The following CADM2 variants were observed in gnomAD, a reference collection of about 807,000 sequenced individuals.
CADM2 encodes the protein cell adhesion molecule 2, also known as immunoglobulin superfamily member 4D.
Under a neutral mutation model 49.8 loss-of-function variants are expected in CADM2, and 12 were observed. The ratio of observed to expected loss-of-function variants is 0.24; its 90% confidence interval spans 0.15 to 0.39. CADM2 has a LOEUF of 0.39. Ranked by LOEUF, CADM2 falls within the 10% of genes least tolerant of loss-of-function variation. CADM2 has a pLI of 1.00. For synonymous variants in CADM2, 214 were observed against 175.4 expected, an observed-to-expected ratio of 1.22 and a Z score of -1.74; for missense variants, 378 against 492.3, an observed-to-expected ratio of 0.77 and a Z score of 2.20.
At chr3:85,555,225 T>C (rs1227642680) in intron 1 of CADM2, among the ~76,000 whole-genome samples, 2 of 152,314 alleles carry the variant, frequency 1.3e-5, no homozygotes, top group Middle Eastern at 3.4e-3. Context: ...ACACTATACT[T>C]AGCATGTGTT....
At position 85,544,835 on chromosome 3, in the gene CADM2, AG is replaced by A. The variant is rs2107072010; in HGVS notation, c.62-181686del. Among the ~76,000 whole-genome samples the A allele has an allele frequency of 7.1e-5, 3 of 42,288 alleles. No homozygotes were observed. The East Asian group carries it at 0.024, about 341-fold the overall frequency. 27.7% of individuals were successfully genotyped at this position (42,288 alleles called of 152,430 possible). A position where few individuals can be genotyped will look rare whatever the true frequency, so the allele number is the denominator to read the frequency against. On this transcript the variant is annotated intron_variant, in intron 1 of 9. Coordinates refer to ENST00000383699, the MANE Select transcript of CADM2 (RefSeq NM_001167675.2). ...CTACATGTGTTCAAAAAAAAAGAAAAGAAAAGGAGAAAAAGGGAGGATAGGA... is the reference window on the plus strand; with the variant it reads ...CTACATGTGTTCAAAAAAAAAGAAAAAAAAGGAGAAAAAGGGAGGATAGGA...
chr3:85,619,004 C>A (rs1454314844), intron 1 of CADM2, among the ~76,000 whole-genome samples: 1 of 151,474 alleles, frequency 6.6e-6, no homozygotes, highest in Non-Finnish European at 1.5e-5. Flanking sequence ...TCGGCCACTG[C>A]ACTCCAGCCT....
At chr3:85,967,892 C>T (rs1365492388) in intron 8 of CADM2, among the ~76,000 whole-genome samples, 1 of 151,464 alleles carries the variant, frequency 6.6e-6, no homozygotes, top group Non-Finnish European at 1.5e-5. Flanking sequence ...GCCTAGCAAA[C>T]ATTAAAAAGG....
At chr3:86,028,322 T>C (rs1734157413) in intron 8 of CADM2, among the ~76,000 whole-genome samples, 1 of 151,948 alleles carries the variant, frequency 6.6e-6, no homozygotes, top group Non-Finnish European at 1.5e-5. Context: ...TTAACAAATA[T>C]TTGGGTTTCC....
intron 2 of CADM2, among the ~76,000 whole-genome samples, chr3:85,762,361 T>G (rs1361462794): frequency 2.6e-5 from 4 of 152,146 alleles, no homozygotes; most frequent in African/African-American, 4.8e-5. Context: ...TTTGTTTGTT[T>G]TACTACTCAA....
intron 1 of CADM2, among the ~76,000 whole-genome samples, chr3:85,693,812 C>T (rs1443444673): frequency 6.9e-6 from 1 of 145,846 alleles, no homozygotes; most frequent in Non-Finnish European, 1.5e-5. Context: ...AGGGGAATCA[C>T]TTGAACCCGG....
intron 1 of CADM2, among the ~76,000 whole-genome samples, chr3:85,097,284 A>G (rs1015710128): frequency 9.2e-5 from 14 of 152,264 alleles, no homozygotes; most frequent in Non-Finnish European, 1.3e-4. Context: ...TTTGCTGAGA[A>G]TGATGGTTTC....
chr3:85,678,131 A>G (rs939569109), intron 1 of CADM2, among the ~76,000 whole-genome samples: 16 of 152,220 alleles, frequency 1.1e-4, no homozygotes, highest in African/African-American at 3.6e-4. Context: ...CAGGTGGCTG[A>G]GAGATCCATG....
At chr3:85,356,605 G>T (rs2031881847) in intron 1 of CADM2, among the ~76,000 whole-genome samples, 1 of 152,064 alleles carries the variant, frequency 6.6e-6, no homozygotes. Flanking sequence ...TCGAGTTATG[G>T]GAAAGAGAAA....
chr3:86,009,657 G>T (rs914332922), intron 8 of CADM2, among the ~76,000 whole-genome samples: 1 of 151,692 alleles, frequency 6.6e-6, no homozygotes, highest in Non-Finnish European at 1.5e-5. Context: ...AAACATAAAA[G>T]CTTCTTTCTC....
intron 1 of CADM2, among the ~76,000 whole-genome samples, chr3:85,159,113 C>A (rs922875439): frequency 1.3e-5 from 2 of 152,090 alleles, no homozygotes; most frequent in Non-Finnish European, 2.9e-5. Flanking sequence ...TTTACTTAAT[C>A]ATTTGCAAAT....
rs527273278 is a variant in CADM2 at position 85,965,870 on chromosome 3, A to C, written c.970+4223A>C. ...TGTTTTGTGATTGGAAGCAATGCATACTCTTCTATTTATCATCAATTGATT... is the reference window on the plus strand; with the variant it reads ...TGTTTTGTGATTGGAAGCAATGCATCCTCTTCTATTTATCATCAATTGATT... On this transcript the variant is annotated intron_variant, in intron 8 of 9. Transcript: ENST00000383699. Among the ~76,000 whole-genome samples, 318 of 151,712 alleles carry C rather than the reference A, an allele frequency of 2.1e-3. 3 individuals are homozygous for C. The highest frequency in any genetic ancestry group is 7.5e-3 in the African/African-American group (313 of 41,482).
At chr3:85,566,647 C>T (rs2062268791) in intron 1 of CADM2, among the ~76,000 whole-genome samples, 1 of 152,024 alleles carries the variant, frequency 6.6e-6, no homozygotes. Flanking sequence ...ACCTCCGTAA[C>T]AAAAAAATTG....
At chr3:85,961,419 A>G in intron 7 of CADM2, 50 bp from the exon 8 acceptor site, 1 of 1,416,764 alleles carries the variant, frequency 7.1e-7, no homozygotes, top group South Asian at 1.5e-5. Flanking sequence ...ATTTACACAT[A>G]TTTAACATTT....
chr3:85,771,248 C>T (rs954798343), intron 2 of CADM2, among the ~76,000 whole-genome samples: 8 of 152,232 alleles, frequency 5.3e-5, no homozygotes, highest in South Asian at 4.1e-4. Context: ...AACAGGATTT[C>T]CTGAACTTCT....
At chr3:85,464,578 T>G (rs954761137) in intron 1 of CADM2, among the ~76,000 whole-genome samples, 8 of 152,164 alleles carry the variant, frequency 5.3e-5, no homozygotes, top group African/African-American at 1.9e-4. Flanking sequence ...CTAAGTCTAT[T>G]TCTTGCCCCA....
At chr3:86,016,629 G>A (rs1292034420) in intron 8 of CADM2, among the ~76,000 whole-genome samples, 2 of 152,054 alleles carry the variant, frequency 1.3e-5, no homozygotes, top group South Asian at 2.1e-4. Flanking sequence ...TCAAAGGTGC[G>A]GGGAGGTGGA....
intron 8 of CADM2, among the ~76,000 whole-genome samples, chr3:86,050,901 T>C (rs1454337458): frequency 6.6e-6 from 1 of 152,174 alleles, no homozygotes; most frequent in East Asian, 1.9e-4. Flanking sequence ...GTCTCTGAAA[T>C]GCCTTCAAGG....
intron 3 of CADM2, among the ~76,000 whole-genome samples, chr3:85,828,503 G>A (rs2074029253): frequency 6.6e-6 from 1 of 151,892 alleles, no homozygotes; most frequent in Non-Finnish European, 1.5e-5. Flanking sequence ...GACCAGGTAA[G>A]GCCTCCCAAA....
Sources: gnomAD v4.1 joint callset for allele counts (sites outside exome capture counted in the v4.1 genomes callset) on GRCh38, gnomAD v4.1.1 for gene constraint, MANE v1.5 for transcripts, NCBI Gene and HGNC (gene_info 2026-07-23, HGNC 2026-07-21) for gene names.